The following PIGL variants were observed in gnomAD, a reference collection of about 807,000 sequenced individuals.
PIGL encodes the protein N-acetylglucosaminyl-phosphatidylinositol de-N-acetylase.
In PIGL, 22 loss-of-function variants were observed where a neutral mutation model predicts 31.1. The observed-to-expected ratio is 0.71, with a 90% confidence interval of 0.51 to 1.01. The LOEUF is 1.01. Among genes scored for constraint, PIGL ranks in the 50% least tolerant of loss-of-function variants. PIGL has a pLI of 0.00. For missense variants in PIGL, 302 were observed against 315.9 expected (o/e 0.96, Z 0.33); for synonymous variants, 131 against 117.4 (o/e 1.12, Z -0.75).
intron 2 of PIGL, among the ~76,000 whole-genome samples, chr17:16,254,667 C>T (rs2092786600): frequency 6.6e-6 from 1 of 151,574 alleles, no homozygotes; most frequent in Admixed American, 6.6e-5. Context: ...TGCAGTGGCG[C>T]TATCTCGACT....
At chr17:16,316,070 T>G (rs1294921165) in intron 4 of PIGL, among the ~76,000 whole-genome samples, 1 of 152,162 alleles carries the variant, frequency 6.6e-6, no homozygotes, top group Non-Finnish European at 1.5e-5. Flanking sequence ...GTCTCTCAAC[T>G]TCTCTTGTTT....
At chr17:16,293,385 G>A (rs577095237) in intron 2 of PIGL, among the ~76,000 whole-genome samples, 55 of 152,286 alleles carry the variant, frequency 3.6e-4, no homozygotes, top group African/African-American at 9.6e-4. Flanking sequence ...AAACTTAGCC[G>A]GGTGTGGTGG....
chr17:16,223,431 G>A (rs1405926536), intron 1 of PIGL, among the ~76,000 whole-genome samples: 1 of 151,950 alleles, frequency 6.6e-6, no homozygotes, highest in African/African-American at 2.4e-5. Context: ...ACAAAAATTA[G>A]CCGGGTGTGG....
intron 2 of PIGL, among the ~76,000 whole-genome samples, chr17:16,243,779 C>T (rs376206276): frequency 2.6e-5 from 4 of 152,174 alleles, no homozygotes; most frequent in East Asian, 1.9e-4. Context: ...ATATTGTAAC[C>T]GCCCAAGGGG....
chr17:16,258,117 G>A (rs933480105), intron 2 of PIGL, among the ~76,000 whole-genome samples: 34 of 125,272 alleles, frequency 2.7e-4, no homozygotes, highest in African/African-American at 7.7e-4. Context: ...GAGAGAGAGA[G>A]AGAGAGAAAG....
intron 2 of PIGL, among the ~76,000 whole-genome samples, chr17:16,259,584 C>A (rs995651788): frequency 6.6e-6 from 1 of 151,052 alleles, no homozygotes; most frequent in East Asian, 1.9e-4. Context: ...AAAATTATCT[C>A]AAAAAAAAAT....
At chr17:16,221,522 T>A (rs2092629195) in intron 1 of PIGL, among the ~76,000 whole-genome samples, 2 of 150,868 alleles carry the variant, frequency 1.3e-5, no homozygotes, top group East Asian at 2.0e-4. Flanking sequence ...CAATCTTGGG[T>A]CACTGCAACC....
chr17:16,315,923 C>G (rs140778444), intron 4 of PIGL, among the ~76,000 whole-genome samples: 1,650 of 151,908 alleles, frequency 0.011, 37 homozygotes, highest in African/African-American at 0.037. Context: ...GTGCCGAACT[C>G]CTGACCTCGT....
At position 16,254,581 on chromosome 17, in the gene PIGL, TTTTG is replaced by T. The variant is rs369014887; in HGVS notation, c.335+20520_335+20523del. Among the ~76,000 whole-genome samples, 402 of 147,470 alleles carry T rather than the reference TTTTG, an allele frequency of 2.7e-3. 3 individuals carry two copies. The highest frequency in any genetic ancestry group is 4.5e-3 in the Non-Finnish European group (302 of 66,374). On this transcript the variant is annotated intron_variant, in intron 2 of 6. Transcript: ENST00000225609. ...CCGCACCTGGCATATACATGAATTT[TTTTG>T]TTTGTTTGGTTGGTTGTTTTTTTGT...
intron 2 of PIGL, among the ~76,000 whole-genome samples, chr17:16,242,149 G>A (rs1054283344): frequency 2.0e-5 from 3 of 151,982 alleles, no homozygotes; most frequent in African/African-American, 7.3e-5. Flanking sequence ...TAACTTCTGG[G>A]CTCAAGCAAT....
chr17:16,243,863 G>A (rs1256399410), intron 2 of PIGL, among the ~76,000 whole-genome samples: 1 of 152,222 alleles, frequency 6.6e-6, no homozygotes, highest in Non-Finnish European at 1.5e-5. Context: ...AGTAATTCAC[G>A]CAGAGCTGCG....
intron 2 of PIGL, among the ~76,000 whole-genome samples, chr17:16,280,089 C>G (rs973506357): frequency 6.6e-6 from 1 of 152,216 alleles, no homozygotes; most frequent in Non-Finnish European, 1.5e-5. Flanking sequence ...ATATGCATCA[C>G]TGAGGAAGAG....
At chr17:16,218,406 G>A (rs1386872260) in intron 1 of PIGL, among the ~76,000 whole-genome samples, 1 of 152,172 alleles carries the variant, frequency 6.6e-6, no homozygotes, top group East Asian at 1.9e-4. Context: ...AAAGTGGAAA[G>A]CTAGATAAGA....
chr17:16,241,136 A>T (rs1325719156), intron 2 of PIGL, among the ~76,000 whole-genome samples: 1 of 149,798 alleles, frequency 6.7e-6, no homozygotes, highest in Non-Finnish European at 1.5e-5. Flanking sequence ...AAAAAAAAAA[A>T]GAAGTGGCAG....
intron 2 of PIGL, among the ~76,000 whole-genome samples, chr17:16,277,802 G>T (rs2092901836): frequency 6.6e-6 from 1 of 152,164 alleles, no homozygotes; most frequent in South Asian, 2.1e-4. Context: ...AGTTGACTAA[G>T]AATTTTGGTT....
At chr17:16,264,165 A>G (rs911520930) in intron 2 of PIGL, among the ~76,000 whole-genome samples, 4 of 151,270 alleles carry the variant, frequency 2.6e-5, no homozygotes, top group South Asian at 2.1e-4. Context: ...GGTGCCTGCT[A>G]TCACACCCAG....
intron 2 of PIGL, among the ~76,000 whole-genome samples, chr17:16,280,168 T>C (rs2092910699): frequency 6.6e-6 from 1 of 152,202 alleles, no homozygotes; most frequent in Non-Finnish European, 1.5e-5. Context: ...GTCTAAAATA[T>C]GTTTTCACAT....
intron 3 of PIGL, among the ~76,000 whole-genome samples, chr17:16,304,925 T>A (rs1046966989): frequency 1.3e-5 from 2 of 152,100 alleles, no homozygotes; most frequent in African/African-American, 4.8e-5. Context: ...TTGAAGGATG[T>A]TTAGCTGCAT....
At chr17:16,258,089 G>A (rs1360317362) in intron 2 of PIGL, among the ~76,000 whole-genome samples, 3 of 132,130 alleles carry the variant, frequency 2.3e-5, no homozygotes, top group East Asian at 2.1e-4. Context: ...GAGAGAGAGA[G>A]AGAGAGAGAG....
Sources: gnomAD v4.1 joint callset for allele counts (sites outside exome capture counted in the v4.1 genomes callset) on GRCh38, gnomAD v4.1.1 for gene constraint, MANE v1.5 for transcripts, NCBI Gene and HGNC (gene_info 2026-07-23, HGNC 2026-07-21) for gene names.